The following RBFOX1 variants were observed in gnomAD, a reference collection of about 807,000 sequenced individuals.
RBFOX1 encodes RNA binding protein fox-1 homolog 1.
A neutral mutation model predicts 57.7 loss-of-function variants in RBFOX1; 8 were observed. That is an observed-to-expected ratio of 0.14 (90% CI 0.08 to 0.25). RBFOX1 has a LOEUF of 0.25. RBFOX1 is among the 10% of genes least tolerant of loss of function. RBFOX1 has a pLI of 1.00. For missense variants in RBFOX1, 611 were observed against 548.5 expected (o/e 1.11, Z -1.14); for synonymous variants, 326 against 222.4 (o/e 1.47, Z -4.15).
intron 2 of RBFOX1, among the ~76,000 whole-genome samples, chr16:6,405,599 G>A (rs1165078613): frequency 6.6e-6 from 1 of 152,134 alleles, no homozygotes; most frequent in Non-Finnish European, 1.5e-5. Flanking sequence ...CTAACAAGGT[G>A]GAATGAGAAT....
At chr16:6,912,211 C>G (rs1379897348) in intron 3 of RBFOX1, among the ~76,000 whole-genome samples, 2 of 152,178 alleles carry the variant, frequency 1.3e-5, no homozygotes, top group African/African-American at 4.8e-5. Context: ...AGTAATTTCT[C>G]TAATGTGGAG....
At chr16:7,204,127 C>T (rs987893149) in intron 4 of RBFOX1, among the ~76,000 whole-genome samples, 14 of 152,236 alleles carry the variant, frequency 9.2e-5, no homozygotes, top group African/African-American at 3.1e-4. Flanking sequence ...ACGGCACCCA[C>T]AGGGTATCTG....
intron 3 of RBFOX1, among the ~76,000 whole-genome samples, chr16:6,687,071 C>G (rs779941242): frequency 6.6e-6 from 1 of 152,212 alleles, no homozygotes; most frequent in African/African-American, 2.4e-5. Flanking sequence ...CAGCAGGTAT[C>G]TAGTTCCTGA....
At chr16:7,476,122 C>T (rs968062565) in intron 4 of RBFOX1, among the ~76,000 whole-genome samples, 3 of 152,112 alleles carry the variant, frequency 2.0e-5, no homozygotes, top group East Asian at 1.9e-4. Flanking sequence ...CACATCACCA[C>T]ACCCAGCAAA....
intron 2 of RBFOX1, among the ~76,000 whole-genome samples, chr16:6,372,512 T>G (rs984189574): frequency 2.0e-5 from 3 of 151,448 alleles, no homozygotes; most frequent in Non-Finnish European, 4.4e-5. Context: ...TATAGTTGGA[T>G]GGAAGGATAG....
chr16:6,848,511 T>C (rs79928493), intron 3 of RBFOX1, among the ~76,000 whole-genome samples: 8,069 of 151,928 alleles, frequency 0.053, 407 homozygotes, highest in East Asian at 0.26. Context: ...TTCGACATTA[T>C]TGGTCAAATC....
At chr16:7,129,118 C>G (rs1300437562) in intron 4 of RBFOX1, among the ~76,000 whole-genome samples, 1 of 152,112 alleles carries the variant, frequency 6.6e-6, no homozygotes, top group African/African-American at 2.4e-5. Context: ...GGCACGCAGT[C>G]ATAAAGGTAA....
intron 3 of RBFOX1, among the ~76,000 whole-genome samples, chr16:6,943,702 T>C (rs1363901304): frequency 7.0e-6 from 1 of 143,692 alleles, no homozygotes; most frequent in East Asian, 2.1e-4. Flanking sequence ...AGTGAGACTC[T>C]GTCTTTAAAA....
intron 3 of RBFOX1, among the ~76,000 whole-genome samples, chr16:5,694,741 A>T (rs1169136295): frequency 2.0e-5 from 3 of 151,552 alleles, no homozygotes; most frequent in African/African-American, 7.3e-5. Flanking sequence ...CAACCCCACT[A>T]TCATCACACC....
At chr16:6,661,876 A>C (rs77030641) in intron 3 of RBFOX1, among the ~76,000 whole-genome samples, 3,153 of 152,326 alleles carry the variant, frequency 0.021, 110 homozygotes, top group African/African-American at 0.071. Flanking sequence ...ACTGTTGTGC[A>C]TAATGGCTAT....
intron 3 of RBFOX1, among the ~76,000 whole-genome samples, chr16:6,937,484 T>C (rs564297410): frequency 2.0e-5 from 3 of 152,276 alleles, no homozygotes; most frequent in South Asian, 2.1e-4. Context: ...AAGATATTTA[T>C]TCTGAGTGAC....
chr16:6,502,895 C>G (rs901091802), intron 2 of RBFOX1, among the ~76,000 whole-genome samples: 1 of 152,114 alleles, frequency 6.6e-6, no homozygotes, highest in African/African-American at 2.4e-5. Context: ...TGCCATGTTA[C>G]AACTTGTAAA....
At chr16:6,915,099 C>G (rs957492788) in intron 3 of RBFOX1, among the ~76,000 whole-genome samples, 1 of 152,222 alleles carries the variant, frequency 6.6e-6, no homozygotes, top group Non-Finnish European at 1.5e-5. Flanking sequence ...ACACTGAGAA[C>G]TGGCCTGCGG....
chr16:7,127,092 A>G (rs1042995461), intron 4 of RBFOX1, among the ~76,000 whole-genome samples: 1 of 151,468 alleles, frequency 6.6e-6, no homozygotes, highest in Non-Finnish European at 1.5e-5. Flanking sequence ...TTAAACAGCT[A>G]TGACTGAGGG....
At chr16:5,749,585 A>T (rs777923253) in intron 3 of RBFOX1, among the ~76,000 whole-genome samples, 1 of 152,036 alleles carries the variant, frequency 6.6e-6, no homozygotes, top group Non-Finnish European at 1.5e-5. Context: ...TTTTTTCTCT[A>T]AACTTCTCTT....
chr16:7,610,152 C>CTTTTTTTTT (rs1394113002), intron 10 of RBFOX1, among the ~76,000 whole-genome samples: 4 of 38,348 alleles, frequency 1.0e-4, no homozygotes, highest in African/African-American at 3.2e-4. Context: ...GGCAGTTTTG[C>CTTTTTTTTT]TCTGTTGCCC....
intron 2 of RBFOX1, among the ~76,000 whole-genome samples, chr16:6,490,804 C>A (rs984643810): frequency 1.3e-5 from 2 of 152,130 alleles, no homozygotes; most frequent in African/African-American, 2.4e-5. Context: ...ATATTTCAGG[C>A]CCAATAAACT....
At chr16:6,568,448 A>C (rs2097298039) in intron 2 of RBFOX1, among the ~76,000 whole-genome samples, 1 of 152,158 alleles carries the variant, frequency 6.6e-6, no homozygotes, top group Non-Finnish European at 1.5e-5. Context: ...GAGAAAAGGG[A>C]GAAAGAAGGG....
intron 1 of RBFOX1, among the ~76,000 whole-genome samples, chr16:5,295,608 C>T (rs1177971045): frequency 1.3e-5 from 2 of 152,216 alleles, no homozygotes; most frequent in Non-Finnish European, 2.9e-5. Context: ...CTGCCCTCAG[C>T]TTCTTGCCAC....
Sources: gnomAD v4.1 joint callset for allele counts (sites outside exome capture counted in the v4.1 genomes callset) on GRCh38, gnomAD v4.1.1 for gene constraint, MANE v1.5 for transcripts, NCBI Gene and HGNC (gene_info 2026-07-23, HGNC 2026-07-21) for gene names.